Variants in LRRFIP1 observed in about 807,000 individuals in gnomAD.
LRRFIP1 encodes LRR binding FLII interacting protein 1.
A neutral mutation model predicts 104.4 loss-of-function variants in LRRFIP1; 62 were observed. The observed-to-expected ratio is 0.59, with a 90% CI of 0.48 to 0.73. The LOEUF is 0.73. Among genes scored for constraint, LRRFIP1 ranks in the 30% least tolerant of loss-of-function variants. The pLI is 0.00. For synonymous variants in LRRFIP1, 300 were observed against 299.0 expected (o/e 1.00, Z -0.03); for missense variants, 796 against 824.5 (o/e 0.97, Z 0.42).
chr2:237,755,676 G>A (rs1229213949), intron 15 of LRRFIP1, among the ~76,000 whole-genome samples: 2 of 152,238 alleles, frequency 1.3e-5, no homozygotes, highest in African/African-American at 4.8e-5. Context: ...GCTCATGCCT[G>A]TAATCCCAAC....
intron 19 of LRRFIP1, chr2:237,769,487 C>T (rs987393891): frequency 6.2e-6 from 1 of 161,846 alleles, no homozygotes; most frequent in Admixed American, 6.0e-5. Flanking sequence ...GCACTGACAT[C>T]GATGAGTCTA....
At chr2:237,638,271 G>C (rs998744696) in intron 1 of LRRFIP1, among the ~76,000 whole-genome samples, 1 of 152,130 alleles carries the variant, frequency 6.6e-6, no homozygotes, top group African/African-American at 2.4e-5. Context: ...CATAAGGAGC[G>C]CACAACCTAG....
chr2:237,715,144 G>A (rs1416598685), intron 3 of LRRFIP1, among the ~76,000 whole-genome samples: 2 of 152,196 alleles, frequency 1.3e-5, no homozygotes, highest in Admixed American at 6.5e-5. Context: ...CTGTTGTGTT[G>A]GATTCCTGTG....
At chr2:237,659,570 ATT>A in intron 1 of LRRFIP1, among the ~76,000 whole-genome samples, 1 of 148,172 alleles carries the variant, frequency 6.7e-6, no homozygotes, top group Admixed American at 6.8e-5. Context: ...ACTATATATA[ATT>A]TTATATATAT....
At chr2:237,639,142 G>A (rs2083534424) in intron 1 of LRRFIP1, among the ~76,000 whole-genome samples, 1 of 152,202 alleles carries the variant, frequency 6.6e-6, no homozygotes, top group Admixed American at 6.5e-5. Flanking sequence ...CCTTCAGGTG[G>A]CTGTGGTTAG....
chr2:237,662,575 A>G (rs887404796), intron 1 of LRRFIP1, among the ~76,000 whole-genome samples: 1 of 151,808 alleles, frequency 6.6e-6, no homozygotes, highest in Non-Finnish European at 1.5e-5. Context: ...ATATATAACA[A>G]TATGTCATAA....
At chr2:237,718,738 A>G (rs2094434099) in intron 4 of LRRFIP1, among the ~76,000 whole-genome samples, 1 of 152,210 alleles carries the variant, frequency 6.6e-6, no homozygotes, top group Non-Finnish European at 1.5e-5. Flanking sequence ...ATCCAAAATT[A>G]TTTCCTAACA....
chr2:237,728,484 G>T (rs1199376704), intron 8 of LRRFIP1, among the ~76,000 whole-genome samples: 1 of 151,540 alleles, frequency 6.6e-6, no homozygotes, highest in Admixed American at 6.6e-5. Context: ...TGCTCTAGGG[G>T]GAGAGAGAGG....
At chr2:237,676,231 C>G (rs573072031) in intron 1 of LRRFIP1, among the ~76,000 whole-genome samples, 14 of 152,356 alleles carry the variant, frequency 9.2e-5, no homozygotes, top group South Asian at 6.2e-4. Context: ...TAAATTTTTA[C>G]TACTGAGCTT....
At chr2:237,677,849 G>A (rs996521647) in intron 1 of LRRFIP1, among the ~76,000 whole-genome samples, 1 of 152,074 alleles carries the variant, frequency 6.6e-6, no homozygotes, top group Non-Finnish European at 1.5e-5. Context: ...CCCCAGAGAC[G>A]AAGATGCTGC....
In LRRFIP1 at chr2:237,763,814, G is replaced by C. The variant is rs781464120; in HGVS notation, c.1459+3609G>C. 22 of 1,614,022 alleles carry C rather than the reference G, an allele frequency of 1.4e-5. No homozygotes were observed. Among genetic ancestry groups the C allele is most frequent in the Non-Finnish European group, 1.8e-5 (21 of 1,180,056 alleles). On this transcript the variant is annotated intron_variant, in intron 19 of 23. Coordinates refer to ENST00000308482, the MANE Select transcript of LRRFIP1 (RefSeq NM_001137550.2). ...TGGTGAAGAATTAGATGAAGGTGTT[G>C]CAAAAGATAATGCTAAAATAGATGG...
At chr2:237,629,466 T>TC (rs1466815410) in intron 1 of LRRFIP1, among the ~76,000 whole-genome samples, 1 of 121,580 alleles carries the variant, frequency 8.2e-6, no homozygotes, top group African/African-American at 3.0e-5. Flanking sequence ...GTTTCTTTCT[T>TC]CTTTTTTTTT....
At position 237,703,349 on chromosome 2, in the gene LRRFIP1, C is replaced by T. The variant is rs1338358018; in HGVS notation, c.97-5195C>T. On this transcript the variant is annotated intron_variant, in intron 1 of 23. Coordinates refer to ENST00000308482, the MANE Select transcript of LRRFIP1 (RefSeq NM_001137550.2). The surrounding 1 kb of genome is among the most constrained non-coding windows in gnomAD (Gnocchi z 4.3). ...TGGAAGCAGCCTGTCAACTCACTTC[C>T]TTGGTTTCCTGTTGCTCTTCCCACC... Among the ~76,000 whole-genome samples, 1 of 152,198 alleles carries T rather than the reference C, an allele frequency of 6.6e-6. No individual in the cohort carries two copies. Among genetic ancestry groups the T allele is most frequent in the Non-Finnish European group, 1.5e-5 (1 of 68,036 alleles).
intron 1 of LRRFIP1, among the ~76,000 whole-genome samples, chr2:237,666,835 C>T (rs2089420142): frequency 6.8e-6 from 1 of 146,182 alleles, no homozygotes. Context: ...CCCTGCCTTC[C>T]TGCCTTCTTT....
At chr2:237,666,794 T>A (rs887182200) in intron 1 of LRRFIP1, among the ~76,000 whole-genome samples, 1 of 32,310 alleles carries the variant, frequency 3.1e-5, no homozygotes, top group Admixed American at 2.4e-4. Flanking sequence ...TTTCTTTCTC[T>A]TTCTCTTTCT....
chr2:237,750,326 C>CTTTTTTTTTTTTTTT (rs928510240), intron 13 of LRRFIP1, among the ~76,000 whole-genome samples: 4 of 60,704 alleles, frequency 6.6e-5, no homozygotes, highest in East Asian at 5.2e-4. Flanking sequence ...TTCTTTCTTT[C>CTTTTTTTTTTTTTTT]TTTTTTTTTT....
intron 2 of LRRFIP1, chr2:237,708,904 A>C (rs1575679537): frequency 5.2e-6 from 3 of 572,528 alleles, no homozygotes; most frequent in African/African-American, 3.7e-5. Flanking sequence ...GAGGAGCCAA[A>C]ATGTTCAGGG....
At chr2:237,698,553 G>A (rs2093333592) in intron 1 of LRRFIP1, among the ~76,000 whole-genome samples, 1 of 152,256 alleles carries the variant, frequency 6.6e-6, no homozygotes, top group Non-Finnish European at 1.5e-5. Flanking sequence ...GGGCCTGTGG[G>A]CCCGGCCAGG....
rs117033802 is a variant in LRRFIP1, at chr2:237,664,176, A to G, written c.96+36436A>G. ...CAGCCAGAGCCGTTTTAGTGAAGTC[A>G]TGGGGAGAAGGACCACAGAGGCTTA... On this transcript the variant is annotated intron_variant, in intron 1 of 23. Transcript: ENST00000308482. 4.3e-3 allele frequency among the ~76,000 whole-genome samples: 656 copies of G among 152,352 alleles called. 4 individuals are homozygous for G. The highest frequency in any genetic ancestry group is 0.025 in the East Asian group (131 of 5,186).
Sources: gnomAD v4.1 joint callset for allele counts (sites outside exome capture counted in the v4.1 genomes callset) on GRCh38, gnomAD v4.1.1 for gene constraint, Gnocchi (gnomAD v3.1) non-coding constraint, MANE v1.5 for transcripts, NCBI Gene and HGNC (gene_info 2026-07-23, HGNC 2026-07-21) for gene names.